Variants in ZNF600 observed in about 807,000 individuals in gnomAD.
ZNF600 encodes the protein zinc finger protein 600.
In ZNF600, 4 loss-of-function variants were observed where a neutral mutation model predicts 7.3. The observed-to-expected ratio is 0.55, with a 90% CI of 0.27 to 1.25. The LOEUF is 1.25. ZNF600 is among the 50% of genes most tolerant of loss of function. ZNF600 has a pLI of 0.12. For missense variants in ZNF600, 911 were observed against 922.1 expected (o/e 0.99, Z 0.16); for synonymous variants, 290 against 308.9 (o/e 0.94, Z 0.64).
At chr19:52,825,270 G>A in the ZNF600 span, among the ~76,000 whole-genome samples, 7 of 152,124 alleles carry the variant, frequency 4.6e-5, no homozygotes, top group African/African-American at 1.2e-4. Context: ...AAGGACTCAC[G>A]TGTCTTCATT....
the ZNF600 span, chr19:52,818,079 C>T: frequency 6.7e-7 from 1 of 1,495,418 alleles, no homozygotes. Flanking sequence ...AACACATCCC[C>T]TCCCTGTAAC....
At chr19:52,800,863 T>A in the ZNF600 span, 5 of 1,614,110 alleles carry the variant, frequency 3.1e-6, no homozygotes, top group Non-Finnish European at 4.2e-6. Context: ...ACCTTACATT[T>A]GTATGGTTTC....
chr19:52,789,624 C>T (rs2062786414), upstream of ZNF600, among the ~76,000 whole-genome samples: 1 of 152,194 alleles, frequency 6.6e-6, no homozygotes, highest in Non-Finnish European at 1.5e-5. Context: ...GGCTGTCTCA[C>T]ACCTGGAATG....
chr19:52,790,753 C>T (rs2062789153), upstream of ZNF600, among the ~76,000 whole-genome samples: 1 of 137,302 alleles, frequency 7.3e-6, no homozygotes, highest in African/African-American at 2.7e-5. Context: ...GTGGCACAAT[C>T]TCGGCTTACT....
the ZNF600 span, among the ~76,000 whole-genome samples, chr19:52,813,249 G>GAAAAAAGAAA: frequency 1.6e-5 from 1 of 62,984 alleles, no homozygotes; most frequent in Non-Finnish European, 2.8e-5. Flanking sequence ...CTTGAATGGT[G>GAAAAAAGAAA]AAAAAAAAAA....
In ZNF600 at chr19:52,777,155, T is replaced by C. The variant is rs527457489; in HGVS notation, c.63+1671A>G. 5.2e-3 allele frequency among the ~76,000 whole-genome samples: 797 copies of C among 151,982 alleles called. 5 individuals carry two copies. Among genetic ancestry groups the C allele is most frequent in the Non-Finnish European group, 8.0e-3 (541 of 67,982 alleles). On this transcript the variant is annotated intron_variant, in intron 2 of 3. Coordinates refer to ENST00000648973, the Ensembl canonical transcript of ZNF600. Reference sequence around the variant, plus strand: ...CAGCACTATGGGAGGCTGAGGTGGATGAATCACAAGGTCAGGAGTTCGACC... The same window carrying C: ...CAGCACTATGGGAGGCTGAGGTGGACGAATCACAAGGTCAGGAGTTCGACC...
chr19:52,831,658 A>G, the ZNF600 span, among the ~76,000 whole-genome samples: 35 of 152,066 alleles, frequency 2.3e-4, no homozygotes, highest in Non-Finnish European at 4.4e-4. Flanking sequence ...GCCCGCCACC[A>G]CGCCCAGCTA....
intron 1 of ZNF600, among the ~76,000 whole-genome samples, chr19:52,783,680 A>C (rs375059198): frequency 6.6e-6 from 1 of 152,092 alleles, no homozygotes; most frequent in Non-Finnish European, 1.5e-5. Context: ...CATTCTATAC[A>C]TAGCTCTTTC....
At chr19:52,820,826 T>C in the ZNF600 span, among the ~76,000 whole-genome samples, 1 of 151,800 alleles carries the variant, frequency 6.6e-6, no homozygotes, top group Non-Finnish European at 1.5e-5. Flanking sequence ...TCCCTCACCA[T>C]CCTCTACTTT....
chr19:52,798,834 G>T, the ZNF600 span: 1 of 1,087,536 alleles, frequency 9.2e-7, no homozygotes, highest in South Asian at 1.3e-5. Context: ...AAAACTTTGT[G>T]ACAATCATTA....
chr19:52,786,368 G>A (rs531567255), intron 1 of ZNF600, among the ~76,000 whole-genome samples: 30 of 152,218 alleles, frequency 2.0e-4, no homozygotes, highest in African/African-American at 6.0e-4. Flanking sequence ...CCGGGGCGCC[G>A]CGCTCCAGGT....
the ZNF600 span, chr19:52,801,122 TTTCTC>T: frequency 9.3e-6 from 15 of 1,614,018 alleles, no homozygotes; most frequent in East Asian, 2.2e-5. Context: ...ATTTACATTG[TTTCTC>T]TTCTAAGTGG....
At chr19:52,793,764 C>CCACACACACACACACACA in the ZNF600 span, among the ~76,000 whole-genome samples, 1 of 138,730 alleles carries the variant, frequency 7.2e-6, no homozygotes, top group African/African-American at 2.7e-5. Flanking sequence ...CCAAACTCTG[C>CCACACACACACACACACA]CACACACACA....
At chr19:52,774,971 G>A (rs1387480412) in intron 2 of ZNF600, among the ~76,000 whole-genome samples, 2 of 152,188 alleles carry the variant, frequency 1.3e-5, no homozygotes, top group East Asian at 1.9e-4. Context: ...CAGGCATGGT[G>A]GTTCACACCT....
upstream of ZNF600, among the ~76,000 whole-genome samples, chr19:52,791,079 T>A (rs2062789809): frequency 6.6e-6 from 1 of 152,182 alleles, no homozygotes; most frequent in Non-Finnish European, 1.5e-5. Context: ...ACAAACTATC[T>A]CCCCTTATAG....
At chr19:52,768,288 A>G (rs1474640296) in intron 3 of ZNF600, among the ~76,000 whole-genome samples, 2 of 151,848 alleles carry the variant, frequency 1.3e-5, no homozygotes, top group African/African-American at 4.8e-5. Flanking sequence ...AGATTACAAA[A>G]ATTAACCAGG....
At chr19:52,822,948 C>T in the ZNF600 span, among the ~76,000 whole-genome samples, 6 of 152,174 alleles carry the variant, frequency 3.9e-5, no homozygotes, top group African/African-American at 7.2e-5. Context: ...GAAGGGGGCC[C>T]GTGTTCCCAA....
At chr19:52,808,088 C>T in the ZNF600 span, 12 of 1,613,488 alleles carry the variant, frequency 7.4e-6, no homozygotes, top group Non-Finnish European at 1.0e-5. Context: ...CATTTCCACT[C>T]CTCCTGAGAG....
the ZNF600 span, chr19:52,817,856 C>G: frequency 6.3e-7 from 1 of 1,596,618 alleles, no homozygotes; most frequent in East Asian, 2.2e-5. Flanking sequence ...AGGCAGGACA[C>G]TTCAGACTCA....
Sources: allele counts gnomAD v4.1 joint callset (sites outside exome capture counted in the v4.1 genomes callset), GRCh38; gene constraint gnomAD v4.1.1; transcripts MANE v1.5; gene names NCBI Gene and HGNC (gene_info 2026-07-23, HGNC 2026-07-21).